Variants in SVIL observed in about 807,000 individuals in gnomAD.
SVIL encodes the protein supervillin, also known as archvillin.
SVIL carries 101 observed loss-of-function variants against 240.4 expected under a neutral mutation model. The ratio of observed to expected loss-of-function variants is 0.42; its 90% CI spans 0.36 to 0.50. The LOEUF (loss-of-function observed/expected upper bound fraction) is 0.50, where lower values mean the gene tolerates loss of function less well. Ranked by LOEUF, SVIL falls within the 20% of genes least tolerant of loss-of-function variation. The pLI, the probability that SVIL is intolerant of heterozygous loss-of-function variation, is 0.01. For synonymous variants in SVIL, 999 were observed against 1,100.0 expected (o/e 0.91, Z 1.82); for missense variants, 2,512 against 2,818.7 (o/e 0.89, Z 2.46).
At chr10:29,531,563 C>A (rs1208399509) in intron 9 of SVIL, among the ~76,000 whole-genome samples, 1 of 152,154 alleles carries the variant, frequency 6.6e-6, no homozygotes, top group Non-Finnish European at 1.5e-5. Context: ...ATTTTCCAGA[C>A]AAATCTTACC....
Position 29,672,870 on chromosome 10 carries a change from T to C in SVIL, c.-301+13683A>G, listed in dbSNP as rs1215574443. ...TGTTTATTTATCTTTGTTTCTCCAG[T>C]GCCTGGCACACAGCAGGATCTTAGC... is the stretch of plus-strand genomic sequence containing the variant. On this transcript the variant is annotated intron_variant, in intron 2 of 35. Transcript: ENST00000375400. Among the ~76,000 whole-genome samples the C allele has an allele frequency of 4.6e-5, 7 of 152,248 alleles. No homozygotes were observed. The East Asian group carries it at 1.3e-3, about 29-fold the overall frequency.
At chr10:29,498,692 A>G (rs765998518) in intron 18 of SVIL, among the ~76,000 whole-genome samples, 7 of 152,206 alleles carry the variant, frequency 4.6e-5, no homozygotes, top group Non-Finnish European at 8.8e-5. Flanking sequence ...AAAAAATTTT[A>G]AAAGAAGGCT....
At chr10:29,730,093 C>T (rs1327542159) in intron 1 of SVIL, among the ~76,000 whole-genome samples, 1 of 151,696 alleles carries the variant, frequency 6.6e-6, no homozygotes, top group African/African-American at 2.4e-5. Flanking sequence ...AGGGAGGATT[C>T]CTTGAGCCCA....
In SVIL at chr10:29,470,505, C is replaced by T. The variant is rs2274493; in HGVS notation, c.5636-22G>A. ...TCACCTGCAGGGGGCACCGGCGGCG[C>T]GGAGGAGTTAGCACGTGAGCGAGTG... On this transcript the variant is annotated intron_variant, in intron 31 of 37. Transcript: ENST00000355867. 165,500 of 1,613,230 alleles carry T rather than the reference C, an allele frequency of 0.1. 9,885 individuals carry two copies. Among genetic ancestry groups the T allele is most frequent in the East Asian group, 0.22 (9,976 of 44,844 alleles).
At chr10:29,686,447 GTTA>G (rs1961075707) in intron 2 of SVIL, 2 of 152,326 alleles carry the variant, frequency 1.3e-5, no homozygotes, top group East Asian at 1.9e-4. Context: ...GGTACCAGTT[GTTA>G]TTATAACAGA....
intron 1 of SVIL, among the ~76,000 whole-genome samples, chr10:29,707,902 C>A (rs1324252174): frequency 1.3e-5 from 2 of 151,994 alleles, no homozygotes; most frequent in African/African-American, 4.8e-5. Flanking sequence ...TAGTAAATAT[C>A]AGGGCTGTGA....
At chr10:29,725,028 C>CAAAAAAAAAAAAAAAAA (rs1187861054) in intron 1 of SVIL, among the ~76,000 whole-genome samples, 2 of 40,942 alleles carry the variant, frequency 4.9e-5, no homozygotes, top group Non-Finnish European at 9.0e-5. Context: ...GACCCGGTCT[C>CAAAAAAAAAAAAAAAAA]AAAAAAAAAA....
chr10:29,687,980 C>T lies in SVIL; in HGVS notation c.-399-1329G>A, dbSNP rs144496091. 3.8e-3 allele frequency among the ~76,000 whole-genome samples: 573 copies of T among 152,220 alleles called. 3 individuals are homozygous for T. Among genetic ancestry groups the T allele is most frequent in the African/African-American group, 9.9e-3 (410 of 41,534 alleles). On this transcript the variant is annotated intron_variant, in intron 1 of 35. Transcript: ENST00000375400. ...ATAACCGCCCTAGTTCTGGGGTAAG[C>T]CATGAGAAACAAGCATTGCAAATAG...
chr10:29,619,088 C>T (rs987350167), intron 1 of SVIL, among the ~76,000 whole-genome samples: 8 of 152,174 alleles, frequency 5.3e-5, no homozygotes, highest in African/African-American at 1.9e-4. Context: ...TGGCCAGAGG[C>T]GCTAGAATTT....
At chr10:29,700,145 T>C (rs1616183) in intron 1 of SVIL, among the ~76,000 whole-genome samples, 75,331 of 151,658 alleles carry the variant, frequency 0.5, 19,054 homozygotes, top group East Asian at 0.77. Context: ...AACGCTTTGC[T>C]GAGACAGAAG....
intron 5 of SVIL, among the ~76,000 whole-genome samples, chr10:29,552,132 A>C (rs1953413958): frequency 9.5e-6 from 1 of 105,254 alleles, no homozygotes; most frequent in Non-Finnish European, 2.3e-5. Flanking sequence ...AACAAAACAA[A>C]AAAAAAAACC....
At chr10:29,470,754 T>C (rs1415132617) in intron 31 of SVIL, among the ~76,000 whole-genome samples, 2 of 152,170 alleles carry the variant, frequency 1.3e-5, no homozygotes, top group African/African-American at 4.8e-5. Flanking sequence ...TCCCAAGATT[T>C]ATACAACAAG....
At chr10:29,725,612 C>A (rs1187549496) in intron 1 of SVIL, among the ~76,000 whole-genome samples, 1 of 152,132 alleles carries the variant, frequency 6.6e-6, no homozygotes, top group African/African-American at 2.4e-5. Flanking sequence ...GAGCTGCTTG[C>A]CTCACCAAGC....
At chr10:29,726,671 C>T (rs955762718) in intron 1 of SVIL, among the ~76,000 whole-genome samples, 11 of 152,004 alleles carry the variant, frequency 7.2e-5, no homozygotes, top group Admixed American at 4.6e-4. Context: ...GGCTTGAACT[C>T]GGGAGGTGGA....
At chr10:29,516,327 T>C (rs957333293) in intron 16 of SVIL, among the ~76,000 whole-genome samples, 2 of 152,202 alleles carry the variant, frequency 1.3e-5, no homozygotes, top group Non-Finnish European at 2.9e-5. Context: ...CACCTGGCAC[T>C]TGGAGCCAGC....
chr10:29,696,558 C>A (rs1175393806), intron 1 of SVIL, among the ~76,000 whole-genome samples: 2 of 151,470 alleles, frequency 1.3e-5, no homozygotes, highest in Non-Finnish European at 2.9e-5. Context: ...AGCATCTCTG[C>A]CCGGCAGCCC....
intron 3 of SVIL, among the ~76,000 whole-genome samples, chr10:29,558,979 T>C (rs374128079): frequency 6.7e-6 from 1 of 148,558 alleles, no homozygotes; most frequent in Admixed American, 6.7e-5. Context: ...TATTTTATAT[T>C]ATTATATAAA....
rs369266304 is a variant in SVIL at position 29,458,032 on chromosome 10, C to T, written c.*215G>A. 5.7e-6 allele frequency: 3 copies of T among 527,168 alleles called. No homozygotes were observed. Among genetic ancestry groups the T allele is most frequent in the African/African-American group, 3.9e-5 (2 of 51,554 alleles). The allele number at this position is 527,168 out of a possible 1,614,324, so 32.7% of individuals were successfully genotyped here. On this transcript the variant is annotated 3_prime_UTR_variant, in exon 38 of 38. Coordinates refer to ENST00000355867, the MANE Select transcript of SVIL (RefSeq NM_021738.3). Reference sequence around the variant, plus strand: ...AGATACTTTTATTAATTCTGATAACCTCCTGAATGGTGGAAAGAAGTTTCC... The same window carrying T: ...AGATACTTTTATTAATTCTGATAACTTCCTGAATGGTGGAAAGAAGTTTCC...
chr10:29,545,374 A>G (rs1415129416), intron 6 of SVIL, among the ~76,000 whole-genome samples: 1 of 152,036 alleles, frequency 6.6e-6, no homozygotes, highest in African/African-American at 2.4e-5. Flanking sequence ...TGCCCAAACC[A>G]TCATCCACCA....
Sources: gnomAD v4.1 joint callset for allele counts (sites outside exome capture counted in the v4.1 genomes callset) on GRCh38, gnomAD v4.1.1 for gene constraint, MANE v1.5 for transcripts, NCBI Gene and HGNC (gene_info 2026-07-23, HGNC 2026-07-21) for gene names.